Variants in RCL1 observed in about 807,000 individuals in gnomAD.
RCL1 encodes the protein RNA 3'-terminal phosphate cyclase-like protein.
A neutral mutation model predicts 42.4 loss-of-function variants in RCL1; 24 were observed. The ratio of observed to expected loss-of-function variants is 0.57; its 90% CI spans 0.41 to 0.80. The LOEUF is 0.80. RCL1 is among the 30% of genes least tolerant of loss of function. The pLI is 0.00. For synonymous variants in RCL1, 228 were observed against 177.3 expected (o/e 1.29, Z -2.27); for missense variants, 578 against 467.9 (o/e 1.24, Z -2.17).
intron 1 of RCL1, among the ~76,000 whole-genome samples, chr9:4,814,181 C>T: frequency 6.6e-6 from 1 of 151,652 alleles, no homozygotes; most frequent in Non-Finnish European, 1.5e-5. Flanking sequence ...TTCCCCCATT[C>T]AGTATGTTAG....
intron 1 of RCL1, among the ~76,000 whole-genome samples, chr9:4,822,512 TC>T (rs1171316253): frequency 4.6e-5 from 7 of 152,180 alleles, no homozygotes; most frequent in Non-Finnish European, 1.0e-4. Flanking sequence ...CCTCTCTTTC[TC>T]TTTTAAACAA....
In RCL1 at chr9:4,817,343, C is replaced by G. The variant is rs1350482953; in HGVS notation, c.137-6205C>G. On this transcript the variant is annotated intron_variant, in intron 1 of 8. Transcript: ENST00000381750. The stretch of plus-strand genomic sequence containing the variant: ...AATCGTTTACCATAAAGCTCTTAAT[C>G]TTTTTAATTAATTATATGTTTTTTA... 5.3e-5 allele frequency among the ~76,000 whole-genome samples: 8 copies of G among 151,712 alleles called. No individual in the cohort carries two copies. In the East Asian group the frequency reaches 1.2e-3, roughly 22 times the overall value.
chr9:4,801,068 C>T (rs1371804657), intron 1 of RCL1, among the ~76,000 whole-genome samples: 1 of 152,108 alleles, frequency 6.6e-6, no homozygotes, highest in Admixed American at 6.5e-5. Context: ...TAGTGATGCC[C>T]CAGGGTGGTC....
intron 3 of RCL1, among the ~76,000 whole-genome samples, chr9:4,831,771 G>A (rs1394414270): frequency 2.0e-5 from 3 of 152,142 alleles, no homozygotes; most frequent in Non-Finnish European, 2.9e-5. Flanking sequence ...ATGTTCTTAG[G>A]CCTCACAGGT....
At position 4,834,232 on chromosome 9, in the gene RCL1, A is replaced by G. The variant is rs1476231027; in HGVS notation, c.551A>G (p.Asp184Gly). 1.2e-6 allele frequency: 2 copies of G among 1,613,428 alleles called. No individual in the cohort carries two copies. The highest frequency in any genetic ancestry group is 8.5e-7 in the Non-Finnish European group (1 of 1,179,606). The change falls in exon 5 of 9, where the codon GAT becomes GGT. Residue 184 changes from aspartate to glycine, a missense_variant. Physicochemically the swap from Asp to Gly is moderately conservative, Grantham distance 94 (BLOSUM62 -1). Transcript: ENST00000381750. The stretch of plus-strand genomic sequence containing the variant: ...GTCTTGAAGCCCATTCAACTCACAG[A>G]TCCAGGAAAAATCAAACGTATTAGA... ...RKVLKPIQLTDPGKIKRIRGM... is the reference protein window; with the variant it reads ...RKVLKPIQLTGPGKIKRIRGM...
chr9:4,809,530 G>A (rs1031582026), intron 1 of RCL1, among the ~76,000 whole-genome samples: 1 of 152,050 alleles, frequency 6.6e-6, no homozygotes, highest in East Asian at 1.9e-4. Flanking sequence ...GGCCGGTCTC[G>A]ATCTCCTGAC....
At chr9:4,855,063 A>AC (rs1435188549) in intron 8 of RCL1, among the ~76,000 whole-genome samples, 8 of 146,276 alleles carry the variant, frequency 5.5e-5, no homozygotes, top group African/African-American at 2.2e-4. Flanking sequence ...AAAAAAAAAA[A>AC]AAAAAAAAAA....
At chr9:4,850,495 T>TTC (rs1554642544) in intron 8 of RCL1, 11 of 191,622 alleles carry the variant, frequency 5.7e-5, no homozygotes, top group Admixed American at 2.2e-4. Flanking sequence ...TTTTTTTTCT[T>TTC]TTTTTTTTTT....
At chr9:4,801,741 A>G (rs1020603468) in intron 1 of RCL1, among the ~76,000 whole-genome samples, 1 of 99,036 alleles carries the variant, frequency 1.0e-5, no homozygotes, top group African/African-American at 3.7e-5. Flanking sequence ...TTTTTTGCCT[A>G]TGGAAAGCCA....
At chr9:4,831,623 T>A (rs1485261230) in intron 3 of RCL1, among the ~76,000 whole-genome samples, 2 of 142,720 alleles carry the variant, frequency 1.4e-5, no homozygotes, top group African/African-American at 2.5e-5. Context: ...ACCACAGGCG[T>A]GCAGCATGCC....
chr9:4,832,521 G>A (rs1187216479), intron 3 of RCL1, among the ~76,000 whole-genome samples: 1 of 152,068 alleles, frequency 6.6e-6, no homozygotes, highest in Non-Finnish European at 1.5e-5. Context: ...AATGAGTAGG[G>A]TTCTCCAGGC....
intron 8 of RCL1, among the ~76,000 whole-genome samples, chr9:4,853,879 C>T (rs2129733084): frequency 6.6e-6 from 1 of 152,178 alleles, no homozygotes; most frequent in Non-Finnish European, 1.5e-5. Flanking sequence ...TTGTTAAACA[C>T]CAACTGAGTG....
intron 8 of RCL1, among the ~76,000 whole-genome samples, chr9:4,856,465 T>C (rs1388020085): frequency 6.6e-6 from 1 of 152,216 alleles, no homozygotes; most frequent in Non-Finnish European, 1.5e-5. Flanking sequence ...CTAAATTCTA[T>C]TCAGTGCCTC....
chr9:4,822,289 A>ATTG (rs1449227613), intron 1 of RCL1, among the ~76,000 whole-genome samples: 2 of 152,276 alleles, frequency 1.3e-5, no homozygotes, highest in African/African-American at 4.8e-5. Flanking sequence ...AGGAGTGGGA[A>ATTG]TTGTCTAAAA....
chr9:4,833,857 G>C (rs1448592637), intron 4 of RCL1, among the ~76,000 whole-genome samples: 1 of 152,196 alleles, frequency 6.6e-6, no homozygotes, highest in African/African-American at 2.4e-5. Context: ...TGATGGACTA[G>C]GTCAGCTCTA....
intron 1 of RCL1, among the ~76,000 whole-genome samples, chr9:4,802,271 CTTGAAG>C (rs1843016875): frequency 6.6e-6 from 1 of 151,962 alleles, no homozygotes; most frequent in African/African-American, 2.4e-5. Flanking sequence ...TCTAATGAGT[CTTGAAG>C]TTGGTTAGAC....
chr9:4,860,964 T>C lies in RCL1; in HGVS notation c.*689T>C, dbSNP rs10072. 39,857 of 152,060 alleles carry C rather than the reference T, an allele frequency of 0.26. 6,214 individuals are homozygous for C. Among genetic ancestry groups the C allele is most frequent in the Middle Eastern group, 0.4 (119 of 294 alleles). The allele number at this position is 152,060 out of a possible 1,614,324, so 9.4% of individuals were successfully genotyped here. On this transcript the variant is annotated 3_prime_UTR_variant, in exon 9 of 9. Transcript: ENST00000381750. ...GTACATTCTTATTTTATTTTCACAATAGCTCTGTGATGTAAGTGCTATCTC... is the reference window on the plus strand; with the variant it reads ...GTACATTCTTATTTTATTTTCACAACAGCTCTGTGATGTAAGTGCTATCTC...
chr9:4,819,472 T>C (rs1816508140), intron 1 of RCL1, among the ~76,000 whole-genome samples: 2 of 152,244 alleles, frequency 1.3e-5, no homozygotes, highest in South Asian at 4.1e-4. Context: ...TGTACACTTG[T>C]TCTTTATCCG....
At chr9:4,859,068 T>C (rs1818066009) in intron 8 of RCL1, among the ~76,000 whole-genome samples, 1 of 152,230 alleles carries the variant, frequency 6.6e-6, no homozygotes, top group African/African-American at 2.4e-5. Flanking sequence ...GGAACCTGTG[T>C]ATTTAATGAA....
Sources: gnomAD v4.1 joint callset for allele counts (sites outside exome capture counted in the v4.1 genomes callset) on GRCh38, gnomAD v4.1.1 for gene constraint, MANE v1.5 for transcripts, NCBI Gene and HGNC (gene_info 2026-07-23, HGNC 2026-07-21) for gene names.